Variants in MYRF observed in about 807,000 individuals in gnomAD.
MYRF encodes the protein myelin regulatory factor.
A neutral mutation model predicts 126.3 loss-of-function variants in MYRF; 16 were observed. The observed-to-expected ratio is 0.13, with a 90% CI of 0.09 to 0.19. The LOEUF (loss-of-function observed/expected upper bound fraction) is 0.19. Among genes scored for constraint, MYRF ranks in the 10% least tolerant of loss-of-function variants. MYRF has a pLI of 1.00. For missense variants in MYRF, 1,104 were observed against 1,547.0 expected (o/e 0.71, Z 4.80); for synonymous variants, 608 against 635.3 (o/e 0.96, Z 0.65).
intron 7 of MYRF, among the ~76,000 whole-genome samples, chr11:61,773,116 C>T (rs2066273124): frequency 6.6e-6 from 1 of 151,874 alleles, no homozygotes; most frequent in African/African-American, 2.4e-5. Flanking sequence ...AGCAATTCTC[C>T]TGCCTCAGCC....
intron 14 of MYRF, 122 bp from the exon 15 acceptor site, chr11:61,779,141 C>T (rs558082819): frequency 1.8e-6 from 2 of 1,100,478 alleles, no homozygotes; most frequent in African/African-American, 3.1e-5. Context: ...CTTTGAGGGC[C>T]TCCCAGTGGC....
At position 61,769,243 on chromosome 11, in the gene MYRF, T is replaced by C. The variant is rs548964416; in HGVS notation, c.399-17T>C. ...CTCAGCTGCTCACCCCCCGGCCCCT[T>C]CCCCTGGCTCTCGCAGCACACTGCC... On this transcript the variant is annotated splice_polypyrimidine_tract_variant and intron_variant, in intron 3 of 26. Transcript: ENST00000278836. The C allele has an allele frequency of 2.2e-5, 35 of 1,565,986 alleles. No homozygotes were observed. The East Asian group carries it at 7.2e-4, about 32-fold the overall frequency.
At chr11:61,768,361 C>G (rs2135763998) in intron 3 of MYRF, 1 of 152,444 alleles carries the variant, frequency 6.6e-6, no homozygotes, top group Admixed American at 6.5e-5. Context: ...CAGGGAAGTA[C>G]AGGACGGAGT....
At chr11:61,769,567 C>T (rs2066152269) in intron 4 of MYRF, among the ~76,000 whole-genome samples, 1 of 152,182 alleles carries the variant, frequency 6.6e-6, no homozygotes, top group African/African-American at 2.4e-5. Context: ...CCATCATGGA[C>T]GCACCCTTCG....
rs1326873499 is a variant in MYRF at position 61,786,079 on chromosome 11, G to A, written c.3392G>A (p.Ser1131Asn). Residue 1131 changes from serine (S) to asparagine (N), a missense_variant, in exon 27 of 27, where the codon AGT (serine) becomes AAT (asparagine). Physicochemically the swap from Ser to Asn is conservative, Grantham distance 46. This residue lies in a region of MYRF where 94 missense variants were observed against 164.6 expected (regional missense o/e 0.57). Coordinates refer to ENST00000278836, the MANE Select transcript of MYRF (RefSeq NM_001127392.3). The surrounding 1 kb of genome is among the most constrained non-coding windows in gnomAD (Gnocchi z 4.5). ...RVALLGQANC[S>N]SEALAQPATD... The stretch of plus-strand genomic sequence containing the variant: ...TCCACCCAGGGTCAGGCCAACTGCA[G>A]TTCAGAGGCTCTCGCCCAGCCAGCC... The A allele has an allele frequency of 1.9e-6, 3 of 1,614,214 alleles. No homozygotes were observed. Among genetic ancestry groups the A allele is most frequent in the Middle Eastern group, 1.6e-4 (1 of 6,062 alleles).
Position 61,760,259 on chromosome 11 carries a change from G to A in MYRF, c.47-5366G>A, listed in dbSNP as rs373603094. Among the ~76,000 whole-genome samples the A allele has an allele frequency of 8.5e-5, 13 of 152,208 alleles. No homozygotes were observed. The East Asian group carries it at 9.7e-4, about 11-fold the overall frequency. On this transcript the variant is annotated intron_variant, in intron 1 of 26. Transcript: ENST00000278836. ...TGGGATTACAGGTGTGAGCCACCGCGCCTGGCCATAGATCATATTAATAAA... is the reference window on the plus strand; with the variant it reads ...TGGGATTACAGGTGTGAGCCACCGCACCTGGCCATAGATCATATTAATAAA...
intron 2 of MYRF, 120 bp downstream of exon 2, chr11:61,765,832 G>T: frequency 7.0e-7 from 1 of 1,419,302 alleles, no homozygotes. Context: ...TCTGAAAGCT[G>T]CTCCTCGTCC....
chr11:61,780,633 C>T, intron 18 of MYRF, 79 bp from the exon 19 acceptor site: 2 of 1,410,146 alleles, frequency 1.4e-6, no homozygotes, highest in Non-Finnish European at 1.9e-6. Context: ...ACCCCCAGCT[C>T]CTGGGGCCAC....
In MYRF at chr11:61,777,755, A is replaced by C; in HGVS notation, c.1813A>C (p.Lys605Gln). The C allele has an allele frequency of 6.4e-7, 1 of 1,551,558 alleles. No homozygotes were observed. The highest frequency in any genetic ancestry group is 8.7e-7 in the Non-Finnish European group (1 of 1,146,858). ...GCAGGTGGACACCACCGAGCAATTG[A>C]AGAGGATCTCGCGCATGCGGCTGGT... ...VQEVDTTEQL[K>Q]RISRMRLVHY... Residue 605 changes from lysine to glutamine, a missense_variant, in exon 13 of 27, where the codon AAG becomes CAG. Physicochemically the swap from Lys to Gln is moderately conservative, Grantham distance 53. Around this residue, in one of 10 missense-constraint regions of MYRF, gnomAD observed 123 missense variants for 209.1 expected, o/e 0.59. Coordinates refer to ENST00000278836, the MANE Select transcript of MYRF (RefSeq NM_001127392.3). This position sits in a 1 kb window ranked among gnomAD's most constrained non-coding sequence, Gnocchi z 8.8.
rs754400830 is a variant in MYRF, at chr11:61,766,052, C to A, written c.229C>A (p.Pro77Thr). The A allele has an allele frequency of 3.6e-5, 58 of 1,602,452 alleles. No homozygotes were observed. The African/African-American group carries it at 6.9e-4, about 19-fold the overall frequency. ...CTCCAGCGGGGTCCACCACCTGAGC[C>A]CCCCTGGGGGTGGACCCTCCCCGGG... Reference protein sequence around the residue: ...PGSSGVHHLSPPGGGPSPGRH... With the variant: ...PGSSGVHHLSTPGGGPSPGRH... Residue 77 changes from proline to threonine, a missense_variant, in exon 3 of 27, where the codon CCC becomes ACC. Transcript: ENST00000278836.
chr11:61,763,208 G>A (rs1317631283), intron 1 of MYRF, among the ~76,000 whole-genome samples: 1 of 152,236 alleles, frequency 6.6e-6, no homozygotes, highest in East Asian at 1.9e-4. Flanking sequence ...CCCTCGTGGA[G>A]TCAGACCCCT....
At chr11:61,759,369 C>G (rs1231660091) in intron 1 of MYRF, among the ~76,000 whole-genome samples, 2 of 152,174 alleles carry the variant, frequency 1.3e-5, no homozygotes, top group Non-Finnish European at 2.9e-5. Flanking sequence ...TTCTGGGTCT[C>G]CTAGAAGAGA....
At chr11:61,767,642 G>C (rs1420039449) in intron 3 of MYRF, 2 of 343,548 alleles carry the variant, frequency 5.8e-6, no homozygotes, top group Non-Finnish European at 1.1e-5. Flanking sequence ...TCTGCAACAT[G>C]ATGAAACCCC....
chr11:61,759,076 G>T (rs2065838034), intron 1 of MYRF, among the ~76,000 whole-genome samples: 1 of 152,236 alleles, frequency 6.6e-6, no homozygotes, highest in Non-Finnish European at 1.5e-5. Flanking sequence ...GTGCCTGCGT[G>T]GGGCCACGCC....
intron 1 of MYRF, among the ~76,000 whole-genome samples, chr11:61,762,274 C>G (rs2065919958): frequency 6.6e-6 from 1 of 152,086 alleles, no homozygotes; most frequent in African/African-American, 2.4e-5. Flanking sequence ...AGGCCTTGGA[C>G]TGCCAGAGGG....
intron 1 of MYRF, among the ~76,000 whole-genome samples, chr11:61,762,869 T>C (rs1246715604): frequency 4.6e-5 from 7 of 151,908 alleles, no homozygotes; most frequent in Admixed American, 4.6e-4. Flanking sequence ...GCCTCCTTCC[T>C]CCATCCTCCG....
intron 7 of MYRF, among the ~76,000 whole-genome samples, chr11:61,773,659 C>T (rs992285158): frequency 5.3e-5 from 8 of 152,168 alleles, no homozygotes; most frequent in African/African-American, 1.9e-4. Flanking sequence ...AGCCCTCCCC[C>T]ACTCAGGAGT....
chr11:61,762,790 C>T (rs755562066), intron 1 of MYRF, among the ~76,000 whole-genome samples: 3 of 152,272 alleles, frequency 2.0e-5, no homozygotes, highest in Admixed American at 6.5e-5. Context: ...CCTCCGAGCC[C>T]CCAACCCTCA....
chr11:61,755,377 C>A, intron 1 of MYRF: 2 of 1,608,556 alleles, frequency 1.2e-6, no homozygotes, highest in Non-Finnish European at 1.7e-6. Flanking sequence ...CAAGGCAGCC[C>A]AGATCGGCGG....
Sources: gnomAD v4.1 joint callset for allele counts (sites outside exome capture counted in the v4.1 genomes callset) on GRCh38, gnomAD v4.1.1 for gene constraint, gnomAD v4.1.1 regional missense constraint, Gnocchi (gnomAD v3.1) non-coding constraint, MANE v1.5 for transcripts, NCBI Gene and HGNC (gene_info 2026-07-23, HGNC 2026-07-21) for gene names.